The following SEMA6D variants were observed in gnomAD, a reference collection of about 807,000 sequenced individuals.
The protein encoded by SEMA6D is semaphorin-6D.
SEMA6D carries 35 observed loss-of-function variants against 106.6 expected under a neutral mutation model. The observed-to-expected ratio is 0.33, with a 90% CI of 0.25 to 0.44. SEMA6D has a LOEUF of 0.44. Ranked by LOEUF, SEMA6D falls within the 20% of genes least tolerant of loss-of-function variation. SEMA6D has a pLI of 1.00. For synonymous variants in SEMA6D, 499 were observed against 487.7 expected (o/e 1.02, Z -0.31); for missense variants, 1,185 against 1,345.9 (o/e 0.88, Z 1.87).
intron 1 of SEMA6D, among the ~76,000 whole-genome samples, chr15:47,314,458 C>T (rs1460617671): frequency 1.3e-5 from 2 of 148,932 alleles, no homozygotes; most frequent in East Asian, 2.0e-4. Context: ...ATTAGCCGGG[C>T]GTAGTGGCGG....
chr15:47,251,367 G>A (rs1230744021), intron 1 of SEMA6D, among the ~76,000 whole-genome samples: 7 of 152,234 alleles, frequency 4.6e-5, no homozygotes, highest in East Asian at 1.9e-4. Context: ...AGAGCATGGC[G>A]TATAATATCT....
intron 1 of SEMA6D, among the ~76,000 whole-genome samples, chr15:47,343,344 G>A (rs2037904299): frequency 6.6e-6 from 1 of 151,514 alleles, no homozygotes; most frequent in Admixed American, 6.6e-5. Context: ...CCATGTTGGT[G>A]TGCTGCACCC....
intron 1 of SEMA6D, chr15:47,274,411 A>C (rs1208927829): frequency 6.6e-6 from 1 of 152,186 alleles, no homozygotes; most frequent in Non-Finnish European, 1.5e-5. Flanking sequence ...ACTTGCTGTA[A>C]TATTAACTTA....
chr15:47,206,997 C>A lies in SEMA6D; in HGVS notation c.-239+22579C>A, dbSNP rs1227238908. Reference sequence around the variant, plus strand: ...AAAATAACTTCAAGGGAAAACCTACCACTACTCATGAAGGAGGCTCCAGGA... The same window carrying A: ...AAAATAACTTCAAGGGAAAACCTACAACTACTCATGAAGGAGGCTCCAGGA... On this transcript the variant is annotated intron_variant, in intron 1 of 19. Coordinates refer to the SEMA6D transcript ENST00000558014. 3.3e-5 allele frequency among the ~76,000 whole-genome samples: 5 copies of A among 152,016 alleles called. No individual in the cohort carries two copies. The East Asian group carries it at 9.7e-4, about 29-fold the overall frequency.
chr15:47,196,063 A>G (rs1894330923), intron 1 of SEMA6D, among the ~76,000 whole-genome samples: 1 of 150,338 alleles, frequency 6.7e-6, no homozygotes, highest in Non-Finnish European at 1.5e-5. Flanking sequence ...AGGGTTAACC[A>G]CCCAAGAAGC....
chr15:47,348,721 C>CAGAGAGAGAGAGAGAGAGAG (rs1313096616), intron 1 of SEMA6D, among the ~76,000 whole-genome samples: 2 of 24,626 alleles, frequency 8.1e-5, no homozygotes, highest in Non-Finnish European at 1.1e-4. Context: ...ACACACACCA[C>CAGAGAGAGAGAGAGAGAGAG]ACACACAGAG....
At chr15:47,748,967 A>G (rs1037635211) in intron 1 of SEMA6D, among the ~76,000 whole-genome samples, 3 of 152,104 alleles carry the variant, frequency 2.0e-5, no homozygotes, top group African/African-American at 7.2e-5. Context: ...AAAGGAGAGG[A>G]TGATGGAGAC....
At chr15:47,689,261 G>A (rs1299010745) in intron 4 of SEMA6D, among the ~76,000 whole-genome samples, 1 of 152,108 alleles carries the variant, frequency 6.6e-6, no homozygotes, top group Non-Finnish European at 1.5e-5. Context: ...TTTTTATATG[G>A]ATAACTGGAA....
rs374326382 is a variant in SEMA6D at position 47,277,609 on chromosome 15, A to ATTATTATTATTATTTAT, written c.-239+93196_-239+93197insATTATTATTTATTTATT. ...TATTATTATTATTATTATTATTATT[A>ATTATTATTATTATTTAT]TTATTTATTATTATTATTATACTTT... is the stretch of plus-strand genomic sequence containing the variant. On this transcript the variant is annotated intron_variant, in intron 1 of 19. Transcript: ENST00000558014. Among the ~76,000 whole-genome samples, 8 of 128,608 alleles carry ATTATTATTATTATTTAT rather than the reference A, an allele frequency of 6.2e-5. No homozygotes were observed. In the East Asian group the frequency reaches 8.1e-4, roughly 13 times the overall value. 84.4% of individuals were successfully genotyped at this position (128,608 alleles called of 152,430 possible). A position where few individuals can be genotyped will look rare whatever the true frequency, so the allele number is the denominator to read the frequency against.
chr15:47,601,715 A>T (rs763962326), intron 4 of SEMA6D, among the ~76,000 whole-genome samples: 1 of 152,204 alleles, frequency 6.6e-6, no homozygotes, highest in Non-Finnish European at 1.5e-5. Context: ...TGGGCTTCCA[A>T]TTGAAAATTT....
intron 1 of SEMA6D, among the ~76,000 whole-genome samples, chr15:47,188,699 A>C (rs1032656985): frequency 1.3e-5 from 2 of 152,064 alleles, no homozygotes; most frequent in African/African-American, 2.4e-5. Context: ...ATAATGTCTT[A>C]TTTTGTTTTT....
intron 1 of SEMA6D, among the ~76,000 whole-genome samples, chr15:47,381,339 A>AT (rs1341853128): frequency 6.6e-6 from 1 of 152,196 alleles, no homozygotes; most frequent in Non-Finnish European, 1.5e-5. Flanking sequence ...TGCTATTTTT[A>AT]TTTTTGAACA....
At chr15:47,267,257 G>A (rs546828916) in intron 1 of SEMA6D, among the ~76,000 whole-genome samples, 2 of 152,076 alleles carry the variant, frequency 1.3e-5, no homozygotes, top group South Asian at 4.2e-4. Flanking sequence ...AAACTTTGTA[G>A]ATCTGTTTCC....
At chr15:47,296,311 C>T (rs956586527) in intron 1 of SEMA6D, among the ~76,000 whole-genome samples, 20 of 152,298 alleles carry the variant, frequency 1.3e-4, no homozygotes, top group African/African-American at 4.6e-4. Context: ...CTAACTTCAT[C>T]ACAGCATGCC....
intron 2 of SEMA6D, among the ~76,000 whole-genome samples, chr15:47,438,227 A>G (rs1326367053): frequency 6.6e-6 from 1 of 151,826 alleles, no homozygotes; most frequent in African/African-American, 2.4e-5. Flanking sequence ...ATATACTGAA[A>G]CCTCCCACTT....
intron 4 of SEMA6D, among the ~76,000 whole-genome samples, chr15:47,645,946 A>G (rs1220258483): frequency 6.6e-6 from 1 of 152,172 alleles, no homozygotes; most frequent in Non-Finnish European, 1.5e-5. Flanking sequence ...GGGGTGAGGC[A>G]CCGAGCTTCC....
At chr15:47,381,845 A>G (rs1394305139) in intron 1 of SEMA6D, among the ~76,000 whole-genome samples, 1 of 152,170 alleles carries the variant, frequency 6.6e-6, no homozygotes, top group East Asian at 1.9e-4. Context: ...GTCATTGGGA[A>G]CATATGGGCT....
chr15:47,521,671 A>G (rs936756020), intron 3 of SEMA6D, among the ~76,000 whole-genome samples: 5 of 152,174 alleles, frequency 3.3e-5, no homozygotes, highest in Non-Finnish European at 7.3e-5. Context: ...TCCTTCCTTT[A>G]AACTAGGAAA....
intron 1 of SEMA6D, among the ~76,000 whole-genome samples, chr15:47,225,173 C>T (rs1030562165): frequency 1.3e-5 from 2 of 151,916 alleles, no homozygotes; most frequent in African/African-American, 4.8e-5. Flanking sequence ...ATACACCCTG[C>T]CCCCTCCATG....
Sources: gnomAD v4.1 joint callset for allele counts (sites outside exome capture counted in the v4.1 genomes callset) on GRCh38, gnomAD v4.1.1 for gene constraint, MANE v1.5 for transcripts, NCBI Gene and HGNC (gene_info 2026-07-23, HGNC 2026-07-21) for gene names.